Variants in CAMKMT observed in about 807,000 individuals in gnomAD.
CAMKMT encodes the protein calmodulin-lysine N-methyltransferase.
CAMKMT carries 53 observed loss-of-function variants against 48.0 expected under a neutral mutation model. The observed-to-expected ratio is 1.10, with a 90% CI of 0.89 to 1.39. The LOEUF (loss-of-function observed/expected upper bound fraction) is 1.39. CAMKMT is among the 40% of genes most tolerant of loss of function. CAMKMT has a pLI of 0.00. For missense variants in CAMKMT, 428 were observed against 402.7 expected (o/e 1.06, Z -0.54); for synonymous variants, 165 against 152.3 (o/e 1.08, Z -0.61).
At chr2:44,457,274 A>T (rs1449484784) in intron 3 of CAMKMT, 1 of 152,106 alleles carries the variant, frequency 6.6e-6, no homozygotes, top group Non-Finnish European at 1.5e-5. Context: ...AAAAATGGAG[A>T]TGACTCTTTT....
chr2:44,722,767 C>G (rs758496709), intron 7 of CAMKMT, among the ~76,000 whole-genome samples: 3 of 152,090 alleles, frequency 2.0e-5, no homozygotes, highest in Non-Finnish European at 4.4e-5. Context: ...TCCATTCATT[C>G]TAATATTTTG....
intron 3 of CAMKMT, among the ~76,000 whole-genome samples, chr2:44,464,471 A>T (rs1440169990): frequency 6.6e-6 from 1 of 152,226 alleles, no homozygotes; most frequent in Non-Finnish European, 1.5e-5. Context: ...GAAAATGGAC[A>T]TTCAAATTCA....
intron 3 of CAMKMT, among the ~76,000 whole-genome samples, chr2:44,487,128 A>G (rs1225591771): frequency 1.3e-5 from 2 of 152,242 alleles, no homozygotes; most frequent in African/African-American, 4.8e-5. Flanking sequence ...TAAGTGGTCA[A>G]AATAAAAAAA....
intron 3 of CAMKMT, among the ~76,000 whole-genome samples, chr2:44,539,348 A>T (rs1478207960): frequency 6.6e-6 from 1 of 151,438 alleles, no homozygotes; most frequent in Non-Finnish European, 1.5e-5. Flanking sequence ...AATCTATTTT[A>T]ATCTGTCTAT....
intron 3 of CAMKMT, among the ~76,000 whole-genome samples, chr2:44,647,330 C>T (rs762400306): frequency 1.3e-5 from 2 of 152,160 alleles, no homozygotes; most frequent in Non-Finnish European, 2.9e-5. Flanking sequence ...TAAAGTGTCA[C>T]GTTGGTTTAT....
At chr2:44,770,675 C>T (rs555604662) in intron 10 of CAMKMT, among the ~76,000 whole-genome samples, 5 of 152,136 alleles carry the variant, frequency 3.3e-5, no homozygotes, top group South Asian at 2.2e-4. Flanking sequence ...TGGTAAGTCC[C>T]GGTCAGTGGG....
chr2:44,629,064 C>A (rs1032795967), intron 3 of CAMKMT, among the ~76,000 whole-genome samples: 1 of 152,108 alleles, frequency 6.6e-6, no homozygotes, highest in South Asian at 2.1e-4. Flanking sequence ...TATTCTACAT[C>A]CTTACTCATT....
Position 44,528,764 on chromosome 2 carries a change from T to C in CAMKMT, c.376+138459T>C, listed in dbSNP as rs771113314. On this transcript the variant is annotated intron_variant, in intron 3 of 10. Coordinates refer to ENST00000378494, the MANE Select transcript of CAMKMT (RefSeq NM_024766.5). ...AAACTGGACTATTCATCTTGTTTCT[T>C]GCACACAGGATTTGCTTATTGCATC... Among the ~76,000 whole-genome samples the C allele has an allele frequency of 5.3e-5, 8 of 152,208 alleles. No homozygotes were observed. In the East Asian group the frequency reaches 9.6e-4, roughly 18 times the overall value.
intron 3 of CAMKMT, among the ~76,000 whole-genome samples, chr2:44,663,061 A>C (rs1265243816): frequency 6.6e-6 from 1 of 152,174 alleles, no homozygotes; most frequent in Non-Finnish European, 1.5e-5. Flanking sequence ...TAAATATTTC[A>C]GTTTATTTTT....
rs563241945 is a variant in CAMKMT, at chr2:44,440,116, G to A, written c.376+49811G>A. 1.5e-4 allele frequency among the ~76,000 whole-genome samples: 23 copies of A among 152,182 alleles called. No homozygotes were observed. In the South Asian group the frequency reaches 4.6e-3, roughly 30 times the overall value. ...TGTTGAATTAGAAAGGGTTTTATTT[G>A]TTGTTGTTTGTGTTTACTTATACAG... On this transcript the variant is annotated intron_variant, in intron 3 of 10. Transcript: ENST00000378494.
chr2:44,768,361 ATTTTT>A (rs1553448674), intron 10 of CAMKMT, among the ~76,000 whole-genome samples: 10 of 115,722 alleles, frequency 8.6e-5, no homozygotes, highest in Non-Finnish European at 1.2e-4. Flanking sequence ...ATATATATAT[ATTTTT>A]TTTTTTTTTT....
chr2:44,514,811 T>G (rs557576475), intron 3 of CAMKMT, among the ~76,000 whole-genome samples: 1 of 152,216 alleles, frequency 6.6e-6, no homozygotes, highest in Non-Finnish European at 1.5e-5. Context: ...GCAATGATAT[T>G]CGTGCCTAGA....
At chr2:44,542,180 C>T (rs963298399) in intron 3 of CAMKMT, among the ~76,000 whole-genome samples, 1 of 151,414 alleles carries the variant, frequency 6.6e-6, no homozygotes, top group East Asian at 1.9e-4. Flanking sequence ...ATAGTCAGCT[C>T]AAATCTAAGT....
At chr2:44,503,119 T>A (rs1639662609) in intron 3 of CAMKMT, among the ~76,000 whole-genome samples, 1 of 152,184 alleles carries the variant, frequency 6.6e-6, no homozygotes, top group South Asian at 2.1e-4. Context: ...AAAAAGCTTA[T>A]TTCATTATTT....
chr2:44,404,930 T>G (rs756338093), intron 3 of CAMKMT, among the ~76,000 whole-genome samples: 17 of 152,130 alleles, frequency 1.1e-4, no homozygotes, highest in Non-Finnish European at 2.4e-4. Context: ...GGTTACTATA[T>G]AACTAGTGCT....
intron 3 of CAMKMT, among the ~76,000 whole-genome samples, chr2:44,498,532 T>C (rs1055963040): frequency 3.3e-5 from 5 of 152,314 alleles, no homozygotes; most frequent in Admixed American, 3.3e-4. Flanking sequence ...TCTTTTGTCA[T>C]GTTTCTTTGG....
chr2:44,697,361 A>G (rs909687532), intron 3 of CAMKMT, among the ~76,000 whole-genome samples: 10 of 152,048 alleles, frequency 6.6e-5, no homozygotes, highest in African/African-American at 2.4e-4. Context: ...ATGATAGTGA[A>G]GATTAGGCTG....
In CAMKMT at chr2:44,372,716, G is replaced by T; in HGVS notation, c.139G>T (p.Val47Phe). ...GAARWKLLRQ[V>F]LKQKHLDDCL... Reference sequence around the variant, plus strand: ...TGCAATATTTGGCTTTATTTCAAAGGTTCTGAAGCAAAAACACCTGGATGA... The same window carrying T: ...TGCAATATTTGGCTTTATTTCAAAGTTTCTGAAGCAAAAACACCTGGATGA... The change falls in exon 2 of 11, where the codon GTT becomes TTT. Residue 47 changes from valine to phenylalanine, a missense_variant and splice_region_variant. Coordinates refer to ENST00000378494, the MANE Select transcript of CAMKMT (RefSeq NM_024766.5). 1.2e-6 allele frequency: 2 copies of T among 1,611,238 alleles called. No homozygotes were observed. Among genetic ancestry groups the T allele is most frequent in the Non-Finnish European group, 1.7e-6 (2 of 1,178,944 alleles).
At chr2:44,684,538 A>G (rs570661417) in intron 3 of CAMKMT, among the ~76,000 whole-genome samples, 3 of 152,196 alleles carry the variant, frequency 2.0e-5, no homozygotes, top group African/African-American at 7.2e-5. Flanking sequence ...CAAGTCACTT[A>G]AAGCGTCCAT....
Sources: allele counts gnomAD v4.1 joint callset (sites outside exome capture counted in the v4.1 genomes callset), GRCh38; gene constraint gnomAD v4.1.1; transcripts MANE v1.5; gene names NCBI Gene and HGNC (gene_info 2026-07-23, HGNC 2026-07-21).